The following CSMD1 variants were observed in gnomAD, a reference collection of about 807,000 sequenced individuals.
The protein encoded by CSMD1 is CUB and Sushi multiple domains 1.
A neutral mutation model predicts 417.5 loss-of-function variants in CSMD1; 213 were observed. That is an observed-to-expected ratio of 0.51 (90% CI 0.46 to 0.57). The LOEUF (loss-of-function observed/expected upper bound fraction) is 0.57, where lower values mean the gene tolerates loss of function less well. Among genes scored for constraint, CSMD1 ranks in the 20% least tolerant of loss-of-function variants. CSMD1 has a pLI of 0.00. For synonymous variants in CSMD1, 2,862 were observed against 1,736.8 expected (o/e 1.65, Z -16.11); for missense variants, 6,923 against 4,529.7 (o/e 1.53, Z -15.17).
At chr8:4,681,735 C>T (rs763194784) in intron 1 of CSMD1, among the ~76,000 whole-genome samples, 3 of 152,042 alleles carry the variant, frequency 2.0e-5, no homozygotes, top group African/African-American at 4.8e-5. Context: ...AAGCCTAGAC[C>T]TATTGTGAAA....
intron 1 of CSMD1, among the ~76,000 whole-genome samples, chr8:4,892,985 C>T (rs1404143273): frequency 1.3e-5 from 2 of 152,096 alleles, no homozygotes; most frequent in Non-Finnish European, 2.9e-5. Context: ...AAGGAATACG[C>T]TTGCACGGTG....
At chr8:3,971,464 G>C (rs766196041) in intron 5 of CSMD1, among the ~76,000 whole-genome samples, 4 of 152,084 alleles carry the variant, frequency 2.6e-5, no homozygotes, top group East Asian at 1.9e-4. Flanking sequence ...TAATGCAATT[G>C]CAAGTTGACA....
At chr8:3,589,135 T>G (rs1347811900) in intron 8 of CSMD1, among the ~76,000 whole-genome samples, 1 of 152,094 alleles carries the variant, frequency 6.6e-6, no homozygotes, top group Non-Finnish European at 1.5e-5. Context: ...TTGTTAGAAA[T>G]GTAAAATATG....
At chr8:3,303,187 G>C (rs953286651) in intron 25 of CSMD1, among the ~76,000 whole-genome samples, 2 of 152,196 alleles carry the variant, frequency 1.3e-5, no homozygotes, top group East Asian at 3.8e-4. Context: ...TTTCTGTCCT[G>C]TCAGGAAAAT....
At chr8:4,376,357 T>C (rs1297445799) in intron 3 of CSMD1, among the ~76,000 whole-genome samples, 1 of 152,202 alleles carries the variant, frequency 6.6e-6, no homozygotes, top group Non-Finnish European at 1.5e-5. Context: ...TCTCAACTCT[T>C]AGAAATACTT....
At chr8:3,746,406 G>A (rs1008138624) in intron 6 of CSMD1, among the ~76,000 whole-genome samples, 7 of 152,188 alleles carry the variant, frequency 4.6e-5, no homozygotes, top group Admixed American at 3.9e-4. Context: ...ATTATCCAAT[G>A]TCAACCACAT....
chr8:4,030,623 C>G (rs949777399), intron 4 of CSMD1, among the ~76,000 whole-genome samples: 3 of 152,206 alleles, frequency 2.0e-5, no homozygotes, highest in African/African-American at 4.8e-5. Context: ...GTGAAGACCT[C>G]TGACATGCCC....
intron 12 of CSMD1, among the ~76,000 whole-genome samples, chr8:3,427,791 G>C (rs1345608604): frequency 3.3e-5 from 5 of 152,106 alleles, no homozygotes; most frequent in Non-Finnish European, 7.3e-5. Context: ...GGAAACAAGA[G>C]ACTACTTTAA....
chr8:4,547,098 A>T (rs1384789792), intron 2 of CSMD1, among the ~76,000 whole-genome samples: 1 of 152,140 alleles, frequency 6.6e-6, no homozygotes, highest in Non-Finnish European at 1.5e-5. Context: ...TAGTCACCTA[A>T]AATTCAATAT....
chr8:3,201,973 A>T (rs1797015156), intron 31 of CSMD1, among the ~76,000 whole-genome samples: 1 of 152,220 alleles, frequency 6.6e-6, no homozygotes, highest in Non-Finnish European at 1.5e-5. Context: ...TTTGAACATT[A>T]AATGAGGAAT....
intron 41 of CSMD1, among the ~76,000 whole-genome samples, chr8:3,120,628 C>A (rs1563063656): frequency 6.6e-6 from 1 of 151,936 alleles, no homozygotes; most frequent in African/African-American, 2.4e-5. Flanking sequence ...GCGGGTGGAT[C>A]ACAAGGTCAA....
At chr8:3,605,134 A>G (rs1476717621) in intron 8 of CSMD1, among the ~76,000 whole-genome samples, 2 of 152,148 alleles carry the variant, frequency 1.3e-5, no homozygotes, top group African/African-American at 4.8e-5. Context: ...AGCTGGGACT[A>G]CAGGCGCATG....
chr8:3,049,607 A>G (rs1439619689), intron 50 of CSMD1, among the ~76,000 whole-genome samples: 2 of 139,414 alleles, frequency 1.4e-5, no homozygotes, highest in East Asian at 4.4e-4. Context: ...GGTGGAGCAC[A>G]GGAGACTTTA....
At chr8:4,297,261 T>C (rs1235257809) in intron 3 of CSMD1, among the ~76,000 whole-genome samples, 1 of 152,112 alleles carries the variant, frequency 6.6e-6, no homozygotes, top group Non-Finnish European at 1.5e-5. Context: ...AGCTTGAAAT[T>C]TACCAAGGCT....
intron 2 of CSMD1, among the ~76,000 whole-genome samples, chr8:4,460,318 T>C (rs559398336): frequency 6.6e-6 from 1 of 152,178 alleles, no homozygotes; most frequent in African/African-American, 2.4e-5. Flanking sequence ...TCAAAATGTA[T>C]GAAATGCAAC....
intron 18 of CSMD1, among the ~76,000 whole-genome samples, chr8:3,381,164 C>G (rs138833637): frequency 7.9e-5 from 12 of 152,088 alleles, no homozygotes; most frequent in Non-Finnish European, 1.6e-4. Flanking sequence ...ACCTTACATT[C>G]AGAGTACTAC....
At chr8:4,129,494 T>G (rs1455436871) in intron 3 of CSMD1, among the ~76,000 whole-genome samples, 5 of 152,204 alleles carry the variant, frequency 3.3e-5, no homozygotes, top group Non-Finnish European at 4.4e-5. Context: ...TGAAAAAGTC[T>G]AGGAGTAAAT....
chr8:3,243,146 T>G (rs987834657), intron 26 of CSMD1, among the ~76,000 whole-genome samples: 1 of 151,730 alleles, frequency 6.6e-6, no homozygotes, highest in Non-Finnish European at 1.5e-5. Context: ...TGAGGGAGGT[T>G]GGAGAAGAGA....
chr8:4,003,493 T>C (rs779363148), intron 4 of CSMD1, among the ~76,000 whole-genome samples: 94 of 152,216 alleles, frequency 6.2e-4, no homozygotes, highest in East Asian at 2.5e-3. Context: ...AGATTTTAAA[T>C]GGCAATTTAA....
Sources: gnomAD v4.1 joint callset for allele counts (sites outside exome capture counted in the v4.1 genomes callset) on GRCh38, gnomAD v4.1.1 for gene constraint, MANE v1.5 for transcripts, NCBI Gene and HGNC (gene_info 2026-07-23, HGNC 2026-07-21) for gene names.